Variants in ACAA2 observed in about 807,000 individuals in gnomAD.
ACAA2 encodes acetyl-CoA acyltransferase 2.
In ACAA2, 35 loss-of-function variants were observed where a neutral mutation model predicts 44.8. The observed-to-expected ratio is 0.78, with a 90% CI of 0.60 to 1.04. The LOEUF is 1.04. Ranked by LOEUF, ACAA2 falls within the 50% of genes least tolerant of loss-of-function variation. The probability of loss-of-function intolerance (pLI) is 0.00; values close to 1 mark genes in which losing one functional copy is unlikely to be tolerated. For synonymous variants in ACAA2, 142 were observed against 166.5 expected (o/e 0.85, Z 1.13); for missense variants, 468 against 482.6 (o/e 0.97, Z 0.28).
intron 1 of ACAA2, among the ~76,000 whole-genome samples, chr18:49,806,144 T>TATGCATCATGGACTG (rs2023608183): frequency 2.6e-5 from 4 of 152,160 alleles, no homozygotes; most frequent in Non-Finnish European, 4.4e-5. Flanking sequence ...GTCCAATTTA[T>TATGCATCATGGACTG]TTATAGCAAC....
At chr18:49,805,187 T>C (rs1262246487) in intron 1 of ACAA2, among the ~76,000 whole-genome samples, 1 of 152,198 alleles carries the variant, frequency 6.6e-6, no homozygotes, top group Non-Finnish European at 1.5e-5. Context: ...GATACTGATC[T>C]ACAAATGAGA....
At position 49,782,560 on chromosome 18, in the gene ACAA2, A is replaced by AG. The variant is rs1311935855; in HGVS notation, c.*1286_*1287insC. On this transcript the variant is annotated 3_prime_UTR_variant, in exon 10 of 10. Coordinates refer to ENST00000285093, the MANE Select transcript of ACAA2 (RefSeq NM_006111.3). The stretch of plus-strand genomic sequence containing the variant: ...AAGATGCTATCTCAAAAAAAAAAAA[A>AG]AAAGGCCGGGTGCAGTGGCTCACGC... 1 of 149,492 alleles carries AG rather than the reference A, an allele frequency of 6.7e-6. No individual in the cohort carries two copies. Among genetic ancestry groups the AG allele is most frequent in the African/African-American group, 2.5e-5 (1 of 40,460 alleles). 9.3% of individuals were successfully genotyped at this position (149,492 alleles called of 1,614,324 possible).
chr18:49,791,089 ACAGCCTTCTCT>A (rs2023392997), intron 7 of ACAA2, among the ~76,000 whole-genome samples: 1 of 152,202 alleles, frequency 6.6e-6, no homozygotes, highest in Non-Finnish European at 1.5e-5. Context: ...CCTTCTCCAT[ACAGCCTTCTCT>A]GTTTCACCCC....
At chr18:49,783,977 GATTA>G (rs751336645) in intron 9 of ACAA2, 46 bp from the exon 10 acceptor site, 15 of 1,494,018 alleles carry the variant, frequency 1.0e-5, no homozygotes, top group African/African-American at 1.4e-5. Flanking sequence ...TAAAAAATCA[GATTA>G]ATGAAATAGA....
intron 4 of ACAA2, 133 bp downstream of exon 4, chr18:49,795,632 T>C (rs960458914): frequency 1.9e-6 from 1 of 532,674 alleles, no homozygotes; most frequent in African/African-American, 2.0e-5. Flanking sequence ...CTTCTAATCA[T>C]TCATATCTTG....
At chr18:49,805,655 C>CA (rs1339801646) in intron 1 of ACAA2, among the ~76,000 whole-genome samples, 1 of 152,082 alleles carries the variant, frequency 6.6e-6, no homozygotes, top group African/African-American at 2.4e-5. Flanking sequence ...TCGACCTCTG[C>CA]AGCCTCGACT....
chr18:49,790,192 CTTAAGA>C (rs1208253947), intron 7 of ACAA2, among the ~76,000 whole-genome samples: 4 of 152,188 alleles, frequency 2.6e-5, no homozygotes, highest in African/African-American at 7.2e-5. Flanking sequence ...AGCTAATAAG[CTTAAGA>C]TTGACTTTTC....
Position 49,792,245 on chromosome 18 carries a change from GTCT to G in ACAA2, c.657_659del (p.Asp220del), listed in dbSNP as rs938244328. ...GGGTGGTTTGGGGCCGAGCATGCTC[GTCT>G]ACCTGCATTGTCTGTTTTCCTTTCT... is the stretch of plus-strand genomic sequence containing the variant. On this transcript the variant is annotated inframe_deletion, in exon 6 of 10. Coordinates refer to ENST00000285093, the MANE Select transcript of ACAA2 (RefSeq NM_006111.3). 6.2e-7 allele frequency: 1 copy of G among 1,613,680 alleles called. No individual in the cohort carries two copies. Among genetic ancestry groups the G allele is most frequent in the Non-Finnish European group, 8.5e-7 (1 of 1,179,810 alleles).
At position 49,808,399 on chromosome 18, in the gene ACAA2, A is replaced by C. The variant is rs1040268833; in HGVS notation, c.16+5070T>G. Among the ~76,000 whole-genome samples, 3 of 152,382 alleles carry C rather than the reference A, an allele frequency of 2.0e-5. No homozygotes were observed. In the South Asian group the frequency reaches 6.2e-4, roughly 32 times the overall value. Reference sequence around the variant, plus strand: ...AACTTATGTTCAAACAAAAACCTGCAAACAAATGTTTATTCCTAATTGTTA... The same window carrying C: ...AACTTATGTTCAAACAAAAACCTGCCAACAAATGTTTATTCCTAATTGTTA... On this transcript the variant is annotated intron_variant, in intron 1 of 9. Transcript: ENST00000285093.
chr18:49,798,581 A>AG (rs1379631179), intron 2 of ACAA2, among the ~76,000 whole-genome samples: 1 of 152,164 alleles, frequency 6.6e-6, no homozygotes, highest in East Asian at 1.9e-4. Context: ...TGGTCTATCA[A>AG]GGTACGGGGT....
intron 1 of ACAA2, 110 bp downstream of exon 1, chr18:49,813,359 G>T: frequency 2.3e-6 from 2 of 884,612 alleles, no homozygotes; most frequent in Non-Finnish European, 3.0e-6. Context: ...AGGAGGTTGA[G>T]TGAACTTCAC....
intron 1 of ACAA2, among the ~76,000 whole-genome samples, chr18:49,810,080 C>T (rs565149894): frequency 1.1e-4 from 16 of 152,022 alleles, no homozygotes; most frequent in Admixed American, 7.9e-4. Flanking sequence ...TAAAAAAACA[C>T]GGGCAGAACC....
intron 3 of ACAA2, 56 bp from the exon 4 acceptor site, chr18:49,795,937 T>C: frequency 9.6e-7 from 1 of 1,044,334 alleles, no homozygotes. Flanking sequence ...AACAATGTAT[T>C]AAGAAACACA....
Position 49,791,541 on chromosome 18 carries a change from T to C in ACAA2, c.812A>G (p.His271Arg), listed in dbSNP as rs1249882184. 4.3e-6 allele frequency: 7 copies of C among 1,613,084 alleles called. No individual in the cohort carries two copies. The highest frequency in any genetic ancestry group is 1.1e-5 in the South Asian group (1 of 91,046). The change falls in exon 7 of 10, where the codon CAT becomes CGT. Residue 271 changes from histidine to arginine, a missense_variant. His to Arg is a conservative substitution (Grantham distance 29). Transcript: ENST00000285093. ...AATTCTTGCCAGTGGTGTGAAGTTA[T>C]GTTTCTTAACAGCATCTTCACTAGC... is the stretch of plus-strand genomic sequence containing the variant. ...IIASEDAVKKHNFTPLARIVG... is the reference protein window; with the variant it reads ...IIASEDAVKKRNFTPLARIVG...
At chr18:49,785,705 C>T in intron 8 of ACAA2, 1 of 216,708 alleles carries the variant, frequency 4.6e-6, no homozygotes, top group Non-Finnish European at 9.0e-6. Flanking sequence ...TATGCATATT[C>T]TTTAAACTCT....
chr18:49,803,622 C>T (rs1018219452), intron 1 of ACAA2, among the ~76,000 whole-genome samples: 1 of 152,208 alleles, frequency 6.6e-6, no homozygotes, highest in African/African-American at 2.4e-5. Context: ...GGTTAGACAA[C>T]TTTCTTGTTC....
At chr18:49,803,908 CTTTT>C (rs5824806) in intron 1 of ACAA2, among the ~76,000 whole-genome samples, 7 of 117,998 alleles carry the variant, frequency 5.9e-5, no homozygotes, top group East Asian at 2.4e-4. Flanking sequence ...AATGATATTG[CTTTT>C]TTTTTTTTTT....
chr18:49,798,099 G>C (rs1272009235), intron 2 of ACAA2, among the ~76,000 whole-genome samples: 1 of 152,162 alleles, frequency 6.6e-6, no homozygotes, highest in Admixed American at 6.5e-5. Flanking sequence ...TTGCAGGCTG[G>C]AATAACCTAG....
Position 49,802,728 on chromosome 18 carries a change from G to A in ACAA2, c.142C>T (p.Pro48Ser), listed in dbSNP as rs765415172. The A allele has an allele frequency of 6.2e-7, 1 of 1,614,070 alleles. No individual in the cohort carries two copies. The highest frequency in any genetic ancestry group is 8.5e-7 in the Non-Finnish European group (1 of 1,180,018). ...KAALSAGKVS[P>S]ETVDSVIMGN... ...ATAATCACACTGTCAACTGTTTCAGGTGAGACTTTGCCAGCAGACAAGGCA... is the reference window on the plus strand; with the variant it reads ...ATAATCACACTGTCAACTGTTTCAGATGAGACTTTGCCAGCAGACAAGGCA... Residue 48 changes from proline (P) to serine (S), a missense_variant, in exon 2 of 10, where the codon CCT becomes TCT. Transcript: ENST00000285093.
Sources: allele counts gnomAD v4.1 joint callset (sites outside exome capture counted in the v4.1 genomes callset), GRCh38; gene constraint gnomAD v4.1.1; transcripts MANE v1.5; gene names NCBI Gene and HGNC (gene_info 2026-07-23, HGNC 2026-07-21).